The following SDK1 variants were observed in gnomAD, a reference collection of about 807,000 sequenced individuals.
SDK1 encodes the protein sidekick cell adhesion molecule 1, also known as protein sidekick-1.
SDK1 carries 157 observed loss-of-function variants against 245.5 expected under a neutral mutation model. The observed-to-expected ratio is 0.64, with a 90% CI of 0.56 to 0.73. The LOEUF (loss-of-function observed/expected upper bound fraction) is 0.73, where lower values mean the gene tolerates loss of function less well. Ranked by LOEUF, SDK1 falls within the 30% of genes least tolerant of loss-of-function variation. The pLI is 0.00. For missense variants in SDK1, 3,583 were observed against 3,002.3 expected (o/e 1.19, Z -4.52); for synonymous variants, 1,647 against 1,278.5 (o/e 1.29, Z -6.15).
chr7:4,019,959 C>T (rs999777311), intron 17 of SDK1, among the ~76,000 whole-genome samples: 4 of 152,152 alleles, frequency 2.6e-5, no homozygotes, highest in Non-Finnish European at 5.9e-5. Context: ...CTCGGACTCC[C>T]GTGTGCTCAG....
intron 4 of SDK1, among the ~76,000 whole-genome samples, chr7:3,779,450 T>A (rs548339352): frequency 6.6e-5 from 10 of 151,710 alleles, no homozygotes; most frequent in African/African-American, 2.4e-4. Flanking sequence ...GCCAGTAACC[T>A]ATTTTTTTTA....
intron 4 of SDK1, among the ~76,000 whole-genome samples, chr7:3,787,435 T>C (rs1294187670): frequency 6.6e-6 from 1 of 152,188 alleles, no homozygotes; most frequent in Non-Finnish European, 1.5e-5. Flanking sequence ...GTGCACACGC[T>C]GTGTTCCTCC....
chr7:3,729,193 G>C (rs1396448810), intron 4 of SDK1, among the ~76,000 whole-genome samples: 2 of 152,164 alleles, frequency 1.3e-5, no homozygotes, highest in African/African-American at 4.8e-5. Context: ...GAAATTAAGT[G>C]TTCTTTATCT....
chr7:3,922,730 A>G (rs1321072817), intron 5 of SDK1, among the ~76,000 whole-genome samples: 1 of 152,164 alleles, frequency 6.6e-6, no homozygotes, highest in Admixed American at 6.5e-5. Context: ...ACTGGGCTGC[A>G]ACTGTGGTGG....
At position 3,574,755 on chromosome 7, in the gene SDK1, C is replaced by G. The variant is rs372589544; in HGVS notation, c.299-44325C>G. Among the ~76,000 whole-genome samples the G allele has an allele frequency of 1.1e-4, 17 of 152,072 alleles. 1 individual carries two copies. In the East Asian group the frequency reaches 2.5e-3, roughly 22 times the overall value. On this transcript the variant is annotated intron_variant, in intron 1 of 44. Coordinates refer to ENST00000404826, the MANE Select transcript of SDK1 (RefSeq NM_152744.4). Reference sequence around the variant, plus strand: ...AAGGAAAACATTTCATTTAAAGTTACGAAACAAACCAACTACTCAAAGGCA... The same window carrying G: ...AAGGAAAACATTTCATTTAAAGTTAGGAAACAAACCAACTACTCAAAGGCA...
chr7:3,830,304 T>G (rs1419665260), intron 5 of SDK1, among the ~76,000 whole-genome samples: 1 of 152,194 alleles, frequency 6.6e-6, no homozygotes, highest in African/African-American at 2.4e-5. Flanking sequence ...TATTCAGTAG[T>G]GATTTGCCTA....
intron 1 of SDK1, among the ~76,000 whole-genome samples, chr7:3,612,118 C>T (rs114397389): frequency 3.9e-5 from 6 of 152,118 alleles, no homozygotes; most frequent in Admixed American, 3.3e-4. Flanking sequence ...GTGAGGGATA[C>T]GACTACACAT....
chr7:4,038,276 C>T (rs1192371798), intron 17 of SDK1, among the ~76,000 whole-genome samples: 1 of 152,248 alleles, frequency 6.6e-6, no homozygotes, highest in African/African-American at 2.4e-5. Context: ...CTGTCCTGGC[C>T]TCCCCACTTC....
chr7:3,726,970 C>T (rs1160844830), intron 4 of SDK1, among the ~76,000 whole-genome samples: 1 of 152,232 alleles, frequency 6.6e-6, no homozygotes, highest in African/African-American at 2.4e-5. Context: ...GCATACTAAT[C>T]AAACTGTAAT....
rs574780695 is a variant in SDK1 at position 4,265,509 on chromosome 7, G to A, written c.*125G>A. ...TTAAAAAGAAAAAAATCTGATAAGTGATGATTTTACCTACTTGTGGACACT... is the reference window on the plus strand; with the variant it reads ...TTAAAAAGAAAAAAATCTGATAAGTAATGATTTTACCTACTTGTGGACACT... On this transcript the variant is annotated 3_prime_UTR_variant, in exon 45 of 45. Coordinates refer to ENST00000404826, the MANE Select transcript of SDK1 (RefSeq NM_152744.4). The A allele has an allele frequency of 2.6e-3, 3,609 of 1,371,418 alleles. 10 individuals carry two copies. Among genetic ancestry groups the A allele is most frequent in the Non-Finnish European group, 3.1e-3 (3,348 of 1,071,034 alleles). 85.0% of individuals were successfully genotyped at this position (1,371,418 alleles called of 1,614,324 possible). A position where few individuals can be genotyped will look rare whatever the true frequency, so the allele number is the denominator to read the frequency against.
chr7:4,241,944 T>G, intron 43 of SDK1, 31 bp downstream of exon 43: 3 of 1,607,606 alleles, frequency 1.9e-6, no homozygotes, highest in Non-Finnish European at 2.5e-6. Context: ...TGCGCCCACC[T>G]GGGGATCTGA....
intron 4 of SDK1, among the ~76,000 whole-genome samples, chr7:3,681,402 C>T (rs910986443): frequency 6.6e-6 from 1 of 152,124 alleles, no homozygotes; most frequent in Non-Finnish European, 1.5e-5. Context: ...TTATAAACTG[C>T]TGCTCTGACC....
chr7:3,321,207 T>TC (rs1779794224), intron 1 of SDK1, among the ~76,000 whole-genome samples: 1 of 152,228 alleles, frequency 6.6e-6, no homozygotes, highest in Non-Finnish European at 1.5e-5. Context: ...GATGATACTA[T>TC]AGAATTTCTT....
At chr7:3,843,173 A>C (rs1421064734) in intron 5 of SDK1, among the ~76,000 whole-genome samples, 1 of 152,188 alleles carries the variant, frequency 6.6e-6, no homozygotes, top group Non-Finnish European at 1.5e-5. Context: ...CATGGACACC[A>C]ATCTTAAGCT....
intron 4 of SDK1, among the ~76,000 whole-genome samples, chr7:3,785,938 C>T (rs1276006968): frequency 6.6e-6 from 1 of 152,186 alleles, no homozygotes; most frequent in Non-Finnish European, 1.5e-5. Context: ...GTCTTTATTT[C>T]AAATTAACAG....
At chr7:4,186,948 A>G (rs1424890214) in intron 35 of SDK1, among the ~76,000 whole-genome samples, 1 of 152,142 alleles carries the variant, frequency 6.6e-6, no homozygotes, top group Non-Finnish European at 1.5e-5. Context: ...CACCCCTGGC[A>G]TCTGTAGCCT....
chr7:3,876,074 G>A (rs1781069982), intron 5 of SDK1, among the ~76,000 whole-genome samples: 1 of 152,166 alleles, frequency 6.6e-6, no homozygotes, highest in Admixed American at 6.5e-5. Context: ...TTCCACTGCA[G>A]GTGCTCTGGC....
chr7:3,597,679 C>G (rs1026010759), intron 1 of SDK1, among the ~76,000 whole-genome samples: 1 of 152,134 alleles, frequency 6.6e-6, no homozygotes, highest in African/African-American at 2.4e-5. Flanking sequence ...TTGGTCTGGT[C>G]TGTCGGGGCC....
chr7:3,852,809 G>A (rs34614163), intron 5 of SDK1, among the ~76,000 whole-genome samples: 30,156 of 141,976 alleles, frequency 0.21, 3,782 homozygotes, highest in Middle Eastern at 0.36. Flanking sequence ...TTAAAAACAT[G>A]CCATTTCAGG....
Sources: allele counts gnomAD v4.1 joint callset (sites outside exome capture counted in the v4.1 genomes callset), GRCh38; gene constraint gnomAD v4.1.1; transcripts MANE v1.5; gene names NCBI Gene and HGNC (gene_info 2026-07-23, HGNC 2026-07-21).